DPP10: variants seen among roughly 807,000 people sequenced by gnomAD.
DPP10 encodes inactive dipeptidyl peptidase 10.
A neutral mutation model predicts 120.9 loss-of-function variants in DPP10; 33 were observed. The observed-to-expected ratio is 0.27, with a 90% CI of 0.21 to 0.37. The LOEUF (loss-of-function observed/expected upper bound fraction) is 0.37. Among genes scored for constraint, DPP10 ranks in the 10% least tolerant of loss-of-function variants. DPP10 has a pLI of 1.00. For synonymous variants in DPP10, 337 were observed against 326.1 expected (o/e 1.03, Z -0.36); for missense variants, 816 against 942.8 (o/e 0.87, Z 1.76).
intron 1 of DPP10, among the ~76,000 whole-genome samples, chr2:114,899,979 A>C (rs1395351617): frequency 6.6e-6 from 1 of 152,112 alleles, no homozygotes. Context: ...AACAAACAAA[A>C]AAGATTTATT....
At chr2:115,657,508 T>G (rs1226186200) in intron 5 of DPP10, among the ~76,000 whole-genome samples, 1 of 151,858 alleles carries the variant, frequency 6.6e-6, no homozygotes, top group Non-Finnish European at 1.5e-5. Flanking sequence ...CTCTTCCTTT[T>G]AAAATCTTCA....
At chr2:115,785,635 A>T (rs2053722) in intron 17 of DPP10, among the ~76,000 whole-genome samples, 1 of 152,170 alleles carries the variant, frequency 6.6e-6, no homozygotes, top group South Asian at 2.1e-4. Flanking sequence ...CGGCACTCAT[A>T]ATAGTCTCTG....
chr2:115,381,382 C>G (rs932439548), intron 3 of DPP10, among the ~76,000 whole-genome samples: 17 of 152,262 alleles, frequency 1.1e-4, no homozygotes, highest in South Asian at 2.1e-4. Flanking sequence ...CGTAGTTCTC[C>G]AGCCTTGGTT....
intron 1 of DPP10, among the ~76,000 whole-genome samples, chr2:114,787,635 A>G (rs937248005): frequency 1.8e-4 from 28 of 152,306 alleles, no homozygotes; most frequent in African/African-American, 6.0e-4. Context: ...GCACACCGTC[A>G]CCATGCCACC....
chr2:115,080,116 C>A (rs1019621667), intron 1 of DPP10, among the ~76,000 whole-genome samples: 1 of 152,126 alleles, frequency 6.6e-6, no homozygotes, highest in East Asian at 1.9e-4. Context: ...CTCCGGGGTT[C>A]AAGCGATTCT....
In DPP10 at chr2:114,658,894, T is replaced by G. The variant is rs1209428304; in HGVS notation, c.60+216056T>G. Among the ~76,000 whole-genome samples the G allele has an allele frequency of 5.9e-5, 9 of 152,338 alleles. No individual in the cohort carries two copies. In the East Asian group the frequency reaches 1.5e-3, roughly 26 times the overall value. On this transcript the variant is annotated intron_variant, in intron 1 of 25. Transcript: ENST00000410059. ...ATCTCATCCTGAATTGTAATCCCTG[T>G]AACCCCCACATGTCGAGGGTGAAAC...
At chr2:115,819,786 G>C (rs1435398901) in intron 21 of DPP10, among the ~76,000 whole-genome samples, 1 of 152,120 alleles carries the variant, frequency 6.6e-6, no homozygotes, top group East Asian at 1.9e-4. Flanking sequence ...CTGAGGTTGG[G>C]AGTTCGAGAC....
chr2:114,518,365 A>C (rs71416602), intron 1 of DPP10, among the ~76,000 whole-genome samples: 1 of 152,084 alleles, frequency 6.6e-6, no homozygotes, highest in South Asian at 2.1e-4. Context: ...GGCATGAGCC[A>C]CCGTGCAGGG....
intron 1 of DPP10, among the ~76,000 whole-genome samples, chr2:114,993,580 G>GTATATATATATATATATATATATATATA (rs59593945): frequency 3.7e-4 from 36 of 97,330 alleles, no homozygotes; most frequent in Non-Finnish European, 6.2e-4. Context: ...GTGTGTGTGT[G>GTATATATATATATATATATATATATATA]TATATATATA....
intron 5 of DPP10, among the ~76,000 whole-genome samples, chr2:115,610,738 A>G (rs1336483711): frequency 6.6e-6 from 1 of 152,158 alleles, no homozygotes; most frequent in Non-Finnish European, 1.5e-5. Context: ...ACAATAAGCT[A>G]TATGTGCTCT....
chr2:115,034,082 A>G (rs1704050079), intron 1 of DPP10, among the ~76,000 whole-genome samples: 4 of 151,274 alleles, frequency 2.6e-5, no homozygotes, highest in Admixed American at 1.3e-4. Context: ...ATTTTAATAG[A>G]GACGGGGTTT....
At chr2:114,927,828 G>A (rs1695751332) in intron 1 of DPP10, among the ~76,000 whole-genome samples, 1 of 152,198 alleles carries the variant, frequency 6.6e-6, no homozygotes, top group African/African-American at 2.4e-5. Flanking sequence ...TCAGCTGCTG[G>A]TGAGGGCTTC....
intron 1 of DPP10, among the ~76,000 whole-genome samples, chr2:114,640,556 TC>T: frequency 6.6e-6 from 1 of 151,856 alleles, no homozygotes; most frequent in Middle Eastern, 3.4e-3. Flanking sequence ...CAAGTCAGCC[TC>T]CCCTAAGGCT....
At chr2:115,589,574 A>G (rs892184479) in intron 5 of DPP10, among the ~76,000 whole-genome samples, 1 of 152,182 alleles carries the variant, frequency 6.6e-6, no homozygotes, top group Non-Finnish European at 1.5e-5. Context: ...GCAAGCAATT[A>G]TGGTGAATTC....
At chr2:115,099,376 A>G (rs1353679755) in intron 1 of DPP10, among the ~76,000 whole-genome samples, 1 of 152,270 alleles carries the variant, frequency 6.6e-6, no homozygotes, top group South Asian at 2.1e-4. Context: ...CCTTGTCCCC[A>G]TTGTGAAACA....
chr2:115,451,590 G>A (rs1574886324), intron 3 of DPP10, among the ~76,000 whole-genome samples: 1 of 151,902 alleles, frequency 6.6e-6, no homozygotes, highest in South Asian at 2.1e-4. Context: ...GTGTTGTCAA[G>A]GGAAGTCAGC....
chr2:115,722,941 G>A (rs564941616), intron 7 of DPP10, among the ~76,000 whole-genome samples: 8 of 152,284 alleles, frequency 5.3e-5, no homozygotes, highest in East Asian at 1.9e-4. Flanking sequence ...ACATGTTGCC[G>A]TTATCAAGGC....
chr2:115,666,368 C>T (rs2089454135), intron 5 of DPP10, among the ~76,000 whole-genome samples: 1 of 151,998 alleles, frequency 6.6e-6, no homozygotes. Flanking sequence ...CAGGGGAAAC[C>T]CTCACTTGTA....
intron 1 of DPP10, among the ~76,000 whole-genome samples, chr2:114,857,842 C>T (rs1330453063): frequency 6.6e-6 from 1 of 152,168 alleles, no homozygotes; most frequent in African/African-American, 2.4e-5. Flanking sequence ...TTACTTTAAT[C>T]AGCATTCACT....
Sources: gnomAD v4.1 joint callset for allele counts (sites outside exome capture counted in the v4.1 genomes callset) on GRCh38, gnomAD v4.1.1 for gene constraint, MANE v1.5 for transcripts, NCBI Gene and HGNC (gene_info 2026-07-23, HGNC 2026-07-21) for gene names.